The following DTNB variants were observed in gnomAD, a reference collection of about 807,000 sequenced individuals.
The protein encoded by DTNB is DTN-B.
Under a neutral mutation model 90.7 loss-of-function variants are expected in DTNB, and 63 were observed. The observed-to-expected ratio is 0.69, with a 90% confidence interval of 0.57 to 0.86. The LOEUF is 0.86. Among genes scored for constraint, DTNB ranks in the 40% least tolerant of loss-of-function variants. The pLI, the probability that DTNB is intolerant of heterozygous loss-of-function variation, is 0.00. For synonymous variants in DTNB, 277 were observed against 286.7 expected, an observed-to-expected ratio of 0.97 and a Z score of 0.34; for missense variants, 744 against 807.1, an observed-to-expected ratio of 0.92 and a Z score of 0.95.
intron 16 of DTNB, among the ~76,000 whole-genome samples, chr2:25,415,533 G>A (rs999774342): frequency 1.3e-5 from 2 of 152,032 alleles, no homozygotes; most frequent in South Asian, 2.1e-4. Flanking sequence ...TGAGATGACC[G>A]GGCTTCGGGA....
In DTNB at chr2:25,536,509, C is replaced by T. The variant is rs532088875; in HGVS notation, c.877-4912G>A. ...CCGAGGCCAGGAGCTGGAGACCAGC[C>T]CGGTCAACACGGCGAAACCCCGTCT... is the stretch of plus-strand genomic sequence containing the variant. On this transcript the variant is annotated intron_variant, in intron 8 of 20. Coordinates refer to ENST00000406818, the MANE Select transcript of DTNB (RefSeq NM_021907.5). 2.6e-5 allele frequency among the ~76,000 whole-genome samples: 4 copies of T among 152,266 alleles called. No homozygotes were observed. The South Asian group carries it at 8.3e-4, about 32-fold the overall frequency.
chr2:25,599,529 G>A (rs556623092), intron 5 of DTNB, among the ~76,000 whole-genome samples: 80 of 151,860 alleles, frequency 5.3e-4, no homozygotes, highest in African/African-American at 1.4e-3. Flanking sequence ...TTTTAGTAGA[G>A]ACGGGGTTTC....
chr2:25,457,673 T>A (rs866341903), intron 10 of DTNB, among the ~76,000 whole-genome samples: 2 of 152,156 alleles, frequency 1.3e-5, no homozygotes, highest in Non-Finnish European at 2.9e-5. Context: ...TTATTATTAT[T>A]CTCTCATCAC....
At chr2:25,539,432 G>A (rs1209034560) in intron 8 of DTNB, among the ~76,000 whole-genome samples, 1 of 152,168 alleles carries the variant, frequency 6.6e-6, no homozygotes, top group Non-Finnish European at 1.5e-5. Context: ...AAGCTGGTGG[G>A]TGATGAATGG....
chr2:25,429,921 C>T (rs188579491), intron 14 of DTNB, among the ~76,000 whole-genome samples: 1 of 152,192 alleles, frequency 6.6e-6, no homozygotes, highest in Non-Finnish European at 1.5e-5. Context: ...CTGAAATGTG[C>T]CATAATTATT....
intron 9 of DTNB, among the ~76,000 whole-genome samples, chr2:25,521,263 T>C (rs573087798): frequency 1.3e-4 from 20 of 152,212 alleles, no homozygotes; most frequent in African/African-American, 3.9e-4. Flanking sequence ...CAGGGCCAGA[T>C]AGTAAATAAT....
chr2:25,400,102 T>C (rs2043346806), intron 16 of DTNB, among the ~76,000 whole-genome samples: 1 of 152,214 alleles, frequency 6.6e-6, no homozygotes, highest in Admixed American at 6.5e-5. Context: ...CAGGATACTC[T>C]GTATAAGATG....
At chr2:25,648,206 T>C (rs897748940) in intron 2 of DTNB, among the ~76,000 whole-genome samples, 3 of 152,218 alleles carry the variant, frequency 2.0e-5, no homozygotes, top group African/African-American at 7.2e-5. Context: ...TTTTATATCA[T>C]GTAAGAATCA....
chr2:25,524,586 G>A (rs536677121), intron 9 of DTNB, among the ~76,000 whole-genome samples: 33 of 152,162 alleles, frequency 2.2e-4, no homozygotes, highest in Admixed American at 7.9e-4. Flanking sequence ...CTCCTCCCTA[G>A]GTACACAGAA....
In DTNB at chr2:25,470,223, G is replaced by C. The variant is rs78953811; in HGVS notation, c.1079+12573C>G. 5.7e-3 allele frequency among the ~76,000 whole-genome samples: 873 copies of C among 152,192 alleles called. 10 individuals carry two copies. Among genetic ancestry groups the C allele is most frequent in the African/African-American group, 0.02 (833 of 41,506 alleles). On this transcript the variant is annotated intron_variant, in intron 10 of 20. Transcript: ENST00000406818. ...AAATCTGTAGGAACCACCAAAGCAG[G>C]AGGAAGACGTACAAAAAAATATTCC...
chr2:25,651,118 G>T (rs1352707992), intron 2 of DTNB, among the ~76,000 whole-genome samples: 1 of 152,150 alleles, frequency 6.6e-6, no homozygotes, highest in African/African-American at 2.4e-5. Flanking sequence ...AAAAAAATTA[G>T]TAATAAACAC....
chr2:25,617,057 C>A (rs2070932412), intron 4 of DTNB, among the ~76,000 whole-genome samples: 1 of 151,424 alleles, frequency 6.6e-6, no homozygotes, highest in Admixed American at 6.6e-5. Flanking sequence ...TTCTTATTCA[C>A]AACAGCCACG....
intron 15 of DTNB, among the ~76,000 whole-genome samples, chr2:25,421,956 G>C (rs571813092): frequency 6.6e-6 from 1 of 152,238 alleles, no homozygotes; most frequent in African/African-American, 2.4e-5. Context: ...TGGTACTGGG[G>C]AGAGAATGGA....
chr2:25,518,202 T>TG (rs202228720), intron 9 of DTNB, among the ~76,000 whole-genome samples: 18 of 75,320 alleles, frequency 2.4e-4, no homozygotes, highest in South Asian at 1.4e-3. Context: ...TTTTATATTA[T>TG]TTTTTTATCC....
intron 9 of DTNB, among the ~76,000 whole-genome samples, chr2:25,511,998 A>T (rs2074051456): frequency 1.3e-5 from 2 of 152,178 alleles, no homozygotes; most frequent in African/African-American, 2.4e-5. Flanking sequence ...TATTCAATAC[A>T]ATTTAACTGA....
intron 12 of DTNB, among the ~76,000 whole-genome samples, chr2:25,437,525 G>T (rs2056224215): frequency 6.6e-6 from 1 of 152,132 alleles, no homozygotes; most frequent in Non-Finnish European, 1.5e-5. Flanking sequence ...GCCTTCCCGA[G>T]TGCTGGGGTT....
chr2:25,490,009 C>T (rs530522516), intron 9 of DTNB, among the ~76,000 whole-genome samples: 1 of 152,342 alleles, frequency 6.6e-6, no homozygotes, highest in East Asian at 1.9e-4. Flanking sequence ...TGCACAGTGG[C>T]TCATGCCTGT....
intron 10 of DTNB, among the ~76,000 whole-genome samples, chr2:25,472,137 G>A (rs1207950894): frequency 6.6e-6 from 1 of 152,164 alleles, no homozygotes; most frequent in African/African-American, 2.4e-5. Flanking sequence ...CCAAGCCTGG[G>A]GAGTCTACAC....
chr2:25,636,489 T>C (rs1053897703), intron 3 of DTNB, among the ~76,000 whole-genome samples: 1 of 152,216 alleles, frequency 6.6e-6, no homozygotes, highest in Non-Finnish European at 1.5e-5. Context: ...AGAATAATTA[T>C]GGCAGGAATT....
Sources: allele counts gnomAD v4.1 joint callset (sites outside exome capture counted in the v4.1 genomes callset), GRCh38; gene constraint gnomAD v4.1.1; transcripts MANE v1.5; gene names NCBI Gene and HGNC (gene_info 2026-07-23, HGNC 2026-07-21).